The following CTNNA2 variants were observed in gnomAD, a reference collection of about 807,000 sequenced individuals.
CTNNA2 encodes the protein catenin alpha 2.
In CTNNA2, 42 loss-of-function variants were observed where a neutral mutation model predicts 101.0. That is an observed-to-expected ratio of 0.42 (90% CI 0.32 to 0.54). CTNNA2 has a LOEUF of 0.54. Among genes scored for constraint, CTNNA2 ranks in the 20% least tolerant of loss-of-function variants. The probability of loss-of-function intolerance (pLI) is 0.14; values close to 1 mark genes in which losing one functional copy is unlikely to be tolerated. For synonymous variants in CTNNA2, 450 were observed against 456.4 expected, an observed-to-expected ratio of 0.99 and a Z score of 0.18; for missense variants, 871 against 1,223.1, an observed-to-expected ratio of 0.71 and a Z score of 4.29.
chr2:80,633,317 A>G (rs1672489876), intron 18 of CTNNA2, among the ~76,000 whole-genome samples: 1 of 152,310 alleles, frequency 6.6e-6, no homozygotes, highest in Admixed American at 6.5e-5. Flanking sequence ...TTCTGTGAAC[A>G]TGTAGACAGC....
intron 4 of CTNNA2, among the ~76,000 whole-genome samples, chr2:79,413,934 CATATATATATATATATATAT>C (rs70940033): frequency 0.22 from 30,769 of 140,244 alleles, 3,640 homozygotes; most frequent in Middle Eastern, 0.35. Context: ...GAGCTGAATT[CATATATATATATATATATAT>C]ATATATATAT....
chr2:79,817,598 C>T (rs1677627209), intron 3 of CTNNA2, among the ~76,000 whole-genome samples: 1 of 152,082 alleles, frequency 6.6e-6, no homozygotes, highest in South Asian at 2.1e-4. Context: ...CAGGAGACCT[C>T]TCTTAATATT....
intron 7 of CTNNA2, among the ~76,000 whole-genome samples, chr2:80,315,958 C>T (rs947693630): frequency 1.9e-4 from 29 of 152,246 alleles, no homozygotes; most frequent in African/African-American, 7.0e-4. Context: ...CCCACTGTAA[C>T]AAATCGGAAT....
chr2:80,027,563 G>A (rs767539439), intron 7 of CTNNA2, among the ~76,000 whole-genome samples: 11 of 152,184 alleles, frequency 7.2e-5, no homozygotes, highest in East Asian at 5.8e-4. Context: ...TACCAGCTCC[G>A]GCAAGAGAGG....
chr2:79,447,382 T>C, intron 4 of CTNNA2, among the ~76,000 whole-genome samples: 1 of 152,058 alleles, frequency 6.6e-6, no homozygotes, highest in Non-Finnish European at 1.5e-5. Context: ...ATTATCTTCA[T>C]ACTCCTTCCT....
chr2:80,591,480 C>CTTTTTTTTTTTTTTTTTTTA (rs1473500318), intron 15 of CTNNA2, among the ~76,000 whole-genome samples: 1 of 33,554 alleles, frequency 3.0e-5, no homozygotes, highest in African/African-American at 1.1e-4. Flanking sequence ...TTTTTTTTTG[C>CTTTTTTTTTTTTTTTTTTTA]AAACAGACAG....
In CTNNA2 at chr2:80,267,492, G is replaced by A. The variant is rs114973618; in HGVS notation, c.1057-125719G>A. Among the ~76,000 whole-genome samples the A allele has an allele frequency of 9.1e-3, 1,389 of 152,232 alleles. 22 individuals are homozygous for A. Among genetic ancestry groups the A allele is most frequent in the African/African-American group, 0.032 (1,316 of 41,518 alleles). On this transcript the variant is annotated intron_variant, in intron 7 of 18. Coordinates refer to ENST00000402739, the MANE Select transcript of CTNNA2 (RefSeq NM_001282597.3). Reference sequence around the variant, plus strand: ...TCTATCCATGCATTCCTGGGATCCCGGACTATAGTGCTGAGGCAAACATAC... The same window carrying A: ...TCTATCCATGCATTCCTGGGATCCCAGACTATAGTGCTGAGGCAAACATAC...
chr2:80,191,695 T>C (rs1706513006), intron 7 of CTNNA2, among the ~76,000 whole-genome samples: 1 of 152,196 alleles, frequency 6.6e-6, no homozygotes, highest in African/African-American at 2.4e-5. Context: ...AAAACATTAT[T>C]TGAGAAGTAA....
At chr2:80,368,848 T>C (rs1450170068) in intron 7 of CTNNA2, among the ~76,000 whole-genome samples, 1 of 109,090 alleles carries the variant, frequency 9.2e-6, no homozygotes, top group Non-Finnish European at 1.7e-5. Flanking sequence ...TGTGTATATA[T>C]GTGTGTGTGT....
chr2:79,235,025 T>C (rs975554530), intron 2 of CTNNA2, among the ~76,000 whole-genome samples: 1 of 152,220 alleles, frequency 6.6e-6, no homozygotes, highest in Non-Finnish European at 1.5e-5. Context: ...TGTCCATCAC[T>C]TCAGTCATCT....
chr2:80,302,964 G>T lies in CTNNA2; in HGVS notation c.1057-90247G>T, dbSNP rs1390871618. 3.1e-6 allele frequency: 5 copies of T among 1,613,866 alleles called. No homozygotes were observed. The highest frequency in any genetic ancestry group is 4.2e-6 in the Non-Finnish European group (5 of 1,180,002). ...TAGGTGAGGCGGTTGGAGTCCAGCT[G>T]CAGGGACTGCAGGTGCGGCACGGTC... On this transcript the variant is annotated intron_variant, in intron 7 of 18. Coordinates refer to ENST00000402739, the MANE Select transcript of CTNNA2 (RefSeq NM_001282597.3). The surrounding 1 kb of genome is among the most constrained non-coding windows in gnomAD (Gnocchi z 6.4).
At chr2:79,454,877 C>T (rs991681786) in intron 4 of CTNNA2, among the ~76,000 whole-genome samples, 4 of 152,134 alleles carry the variant, frequency 2.6e-5, no homozygotes, top group African/African-American at 9.7e-5. Context: ...AATATATGCT[C>T]GTATCTTTCT....
intron 7 of CTNNA2, among the ~76,000 whole-genome samples, chr2:80,276,387 A>T (rs1191876336): frequency 3.3e-5 from 5 of 152,094 alleles, no homozygotes. Flanking sequence ...CTTCATCTCT[A>T]CCTCAATAGT....
intron 9 of CTNNA2, among the ~76,000 whole-genome samples, chr2:80,520,204 T>C (rs1379996759): frequency 6.6e-6 from 1 of 151,964 alleles, no homozygotes; most frequent in Non-Finnish European, 1.5e-5. Context: ...GTGAATGAAC[T>C]CTGAATATAC....
chr2:79,302,308 A>G (rs1676131399), intron 2 of CTNNA2, among the ~76,000 whole-genome samples: 1 of 151,888 alleles, frequency 6.6e-6, no homozygotes, highest in African/African-American at 2.4e-5. Context: ...CAATACTGGG[A>G]AGCATCCCTG....
At chr2:80,375,832 G>C (rs1286895994) in intron 7 of CTNNA2, among the ~76,000 whole-genome samples, 1 of 150,758 alleles carries the variant, frequency 6.6e-6, no homozygotes, top group Non-Finnish European at 1.5e-5. Flanking sequence ...CAAAGTGCTG[G>C]GATTACAGGC....
intron 1 of CTNNA2, among the ~76,000 whole-genome samples, chr2:79,530,748 A>C (rs2103930053): frequency 6.6e-6 from 1 of 152,256 alleles, no homozygotes; most frequent in South Asian, 2.1e-4. Flanking sequence ...AACAGAAATT[A>C]GATGTTGTAT....
chr2:79,412,061 A>C (rs1678419451), intron 4 of CTNNA2, among the ~76,000 whole-genome samples: 1 of 152,098 alleles, frequency 6.6e-6, no homozygotes, highest in Non-Finnish European at 1.5e-5. Flanking sequence ...TCTACCAAGC[A>C]AATGGAAAAC....
At chr2:79,495,871 C>A (rs1055320777) in intron 4 of CTNNA2, among the ~76,000 whole-genome samples, 11 of 152,016 alleles carry the variant, frequency 7.2e-5, no homozygotes, top group Non-Finnish European at 1.5e-4. Flanking sequence ...CAAAAGACTA[C>A]ATATATTATT....
Sources: gnomAD v4.1 joint callset for allele counts (sites outside exome capture counted in the v4.1 genomes callset) on GRCh38, gnomAD v4.1.1 for gene constraint, Gnocchi (gnomAD v3.1) non-coding constraint, MANE v1.5 for transcripts, NCBI Gene and HGNC (gene_info 2026-07-23, HGNC 2026-07-21) for gene names.